The following GTF2IRD1 variants were observed in gnomAD, a reference collection of about 807,000 sequenced individuals.
GTF2IRD1 encodes general transcription factor II-I repeat domain-containing protein 1.
GTF2IRD1 carries 26 observed loss-of-function variants against 113.2 expected under a neutral mutation model. The observed-to-expected ratio is 0.23, with a 90% CI of 0.17 to 0.32. The LOEUF (loss-of-function observed/expected upper bound fraction) is 0.32, where lower values mean the gene tolerates loss of function less well. GTF2IRD1 is among the 10% of genes least tolerant of loss of function. GTF2IRD1 has a pLI of 1.00. For synonymous variants in GTF2IRD1, 484 were observed against 529.1 expected (o/e 0.91, Z 1.17); for missense variants, 864 against 1,280.8 (o/e 0.67, Z 4.97).
At chr7:74,600,404 G>A (rs895832838) in intron 25 of GTF2IRD1, among the ~76,000 whole-genome samples, 1 of 152,064 alleles carries the variant, frequency 6.6e-6, no homozygotes, top group Middle Eastern at 3.2e-3. Flanking sequence ...GGGCAACAGA[G>A]TGAGACCCTA....
intron 22 of GTF2IRD1, among the ~76,000 whole-genome samples, chr7:74,587,368 T>C (rs1801771874): frequency 6.6e-6 from 1 of 151,586 alleles, no homozygotes; most frequent in Non-Finnish European, 1.5e-5. Context: ...GGCTTGAACC[T>C]GGGAGGCAGA....
chr7:74,497,316 G>A (rs1554338348), intron 1 of GTF2IRD1, among the ~76,000 whole-genome samples: 1 of 152,160 alleles, frequency 6.6e-6, no homozygotes, highest in Non-Finnish European at 1.5e-5. Context: ...AACGTGGAGT[G>A]CAGTTGCACA....
At chr7:74,491,295 G>A (rs2117225592) in intron 1 of GTF2IRD1, among the ~76,000 whole-genome samples, 1 of 149,724 alleles carries the variant, frequency 6.7e-6, no homozygotes, top group South Asian at 2.1e-4. Flanking sequence ...GACAGAGTGA[G>A]GGAGAAAAAA....
intron 22 of GTF2IRD1, among the ~76,000 whole-genome samples, chr7:74,566,890 T>A (rs1800352411): frequency 6.6e-6 from 1 of 152,210 alleles, no homozygotes; most frequent in Non-Finnish European, 1.5e-5. Flanking sequence ...AGCCACGCCC[T>A]CTTTCCCACC....
chr7:74,495,738 G>A (rs1795620367), intron 1 of GTF2IRD1, among the ~76,000 whole-genome samples: 1 of 152,168 alleles, frequency 6.6e-6, no homozygotes, highest in South Asian at 2.1e-4. Context: ...GCGGGGAAGG[G>A]CATTTCTTAA....
chr7:74,532,760 C>A (rs1210918120), intron 9 of GTF2IRD1, among the ~76,000 whole-genome samples: 1 of 152,150 alleles, frequency 6.6e-6, no homozygotes, highest in Non-Finnish European at 1.5e-5. Context: ...TCACCGTCAG[C>A]CTTGCACCCC....
chr7:74,514,634 G>A (rs1332313718), intron 3 of GTF2IRD1, among the ~76,000 whole-genome samples: 1 of 152,036 alleles, frequency 6.6e-6, no homozygotes, highest in Non-Finnish European at 1.5e-5. Flanking sequence ...CCCTGGCCCA[G>A]CCTGGCATGA....
rs587642278 is a variant in GTF2IRD1 at position 74,547,631 on chromosome 7, G to T, written c.1916+345G>T. On this transcript the variant is annotated intron_variant, in intron 17 of 26. Coordinates refer to ENST00000424337, the MANE Select transcript of GTF2IRD1 (RefSeq NM_005685.4). ...TTTTTGTATTTTTAGTGGAGACAGG[G>T]TTTCACCATGTTGGCCAGGCTGGTC... 4.0e-5 allele frequency among the ~76,000 whole-genome samples: 6 copies of T among 151,882 alleles called. No homozygotes were observed. The South Asian group carries it at 1.2e-3, about 32-fold the overall frequency.
At chr7:74,599,298 TA>T (rs1802604101) in intron 25 of GTF2IRD1, among the ~76,000 whole-genome samples, 1 of 152,086 alleles carries the variant, frequency 6.6e-6, no homozygotes, top group South Asian at 2.1e-4. Context: ...AGCCCTTCTT[TA>T]TTGGGCTGGG....
At chr7:74,477,783 C>T (rs782110398) in intron 1 of GTF2IRD1, among the ~76,000 whole-genome samples, 6 of 152,128 alleles carry the variant, frequency 3.9e-5, no homozygotes, top group Non-Finnish European at 7.4e-5. Context: ...GGGCTGGGGG[C>T]CCCGTGAGCC....
chr7:74,464,602 C>T (rs1198072573), intron 1 of GTF2IRD1, among the ~76,000 whole-genome samples: 5 of 151,974 alleles, frequency 3.3e-5, no homozygotes, highest in African/African-American at 1.2e-4. Context: ...CACCTGCCAC[C>T]ACACCCGGCT....
At chr7:74,521,870 G>A (rs1554346084) in intron 7 of GTF2IRD1, among the ~76,000 whole-genome samples, 1 of 152,210 alleles carries the variant, frequency 6.6e-6, no homozygotes, top group Non-Finnish European at 1.5e-5. Context: ...GACTGGCCGA[G>A]TTGGGCAGTG....
chr7:74,484,017 C>T (rs1190921593), intron 1 of GTF2IRD1, among the ~76,000 whole-genome samples: 4 of 152,166 alleles, frequency 2.6e-5, no homozygotes, highest in African/African-American at 9.7e-5. Flanking sequence ...TGCAAAGACC[C>T]TCTGAGAGGC....
intron 14 of GTF2IRD1, among the ~76,000 whole-genome samples, chr7:74,544,065 C>T (rs1237503017): frequency 6.6e-6 from 1 of 152,028 alleles, no homozygotes; most frequent in African/African-American, 2.4e-5. Flanking sequence ...CAGTCACATC[C>T]TCCTCAGGCA....
chr7:74,463,730 T>G (rs1421381053), intron 1 of GTF2IRD1, among the ~76,000 whole-genome samples: 3 of 148,586 alleles, frequency 2.0e-5, no homozygotes, highest in Non-Finnish European at 4.5e-5. Context: ...TGTTTTTTGT[T>G]TTTTTTTTTT....
intron 1 of GTF2IRD1, among the ~76,000 whole-genome samples, chr7:74,478,204 C>T (rs1035089537): frequency 3.3e-5 from 5 of 152,184 alleles, no homozygotes; most frequent in South Asian, 2.1e-4. Flanking sequence ...CCGCCCCTTG[C>T]GTGGAGGGAC....
intron 3 of GTF2IRD1, 42 bp from the exon 4 acceptor site, chr7:74,515,399 G>A (rs781862822): frequency 7.1e-6 from 11 of 1,552,322 alleles, no homozygotes; most frequent in Non-Finnish European, 8.7e-6. Context: ...CGGGTGGTGA[G>A]ACGGGTGCTC....
chr7:74,557,610 C>G (rs1317448694), intron 19 of GTF2IRD1, 29 bp from the exon 20 acceptor site: 2 of 1,557,706 alleles, frequency 1.3e-6, no homozygotes, highest in Non-Finnish European at 8.8e-7. Flanking sequence ...CTCAACAGCC[C>G]AAACCCATAA....
intron 1 of GTF2IRD1, among the ~76,000 whole-genome samples, chr7:74,482,223 C>CTTTT (rs5884948): frequency 2.1e-4 from 23 of 107,968 alleles, no homozygotes; most frequent in Non-Finnish European, 2.9e-4. Context: ...TCTCCTAAAA[C>CTTTT]TTTTTTTTTT....
Sources: allele counts gnomAD v4.1 joint callset (sites outside exome capture counted in the v4.1 genomes callset), GRCh38; gene constraint gnomAD v4.1.1; transcripts MANE v1.5; gene names NCBI Gene and HGNC (gene_info 2026-07-23, HGNC 2026-07-21).